The following FOXQ1 variants were observed in gnomAD, a reference collection of about 807,000 sequenced individuals.
FOXQ1 encodes forkhead box Q1, also known as forkhead box protein Q1.
Under a neutral mutation model 0.6 loss-of-function variants are expected in FOXQ1, and 1 was observed. That is an observed-to-expected ratio of 1.73 (90% CI 0.61 to 8.20). The LOEUF is 8.20. Ranked by LOEUF, FOXQ1 falls within the 30% of genes most tolerant of loss-of-function variation. The probability of loss-of-function intolerance (pLI) is 0.13; values close to 1 mark genes in which losing one functional copy is unlikely to be tolerated. For synonymous variants in FOXQ1, 377 were observed against 294.4 expected, an observed-to-expected ratio of 1.28 and a Z score of -2.87; for missense variants, 734 against 595.6, an observed-to-expected ratio of 1.23 and a Z score of -2.42.
Position 1,313,482 on chromosome 6 carries a change from C to G in FOXQ1, c.778C>G (p.Arg260Gly). Residue 260 changes from arginine (R) to glycine (G), a missense_variant, in exon 1 of 1, where the codon CGC (arginine) becomes GGC (glycine). Transcript: ENST00000296839. The surrounding 1 kb of genome is among the most constrained non-coding windows in gnomAD (Gnocchi z 5.2). ...GCGCTCGCCCGCCCGCCAGGAGGAG[C>G]GCGCCAGCCCCGCGGGCAAGTTCTC... ...RMRSPARQEE[R>G]ASPAGKFSSS... 3.5e-6 allele frequency: 4 copies of G among 1,139,782 alleles called. No homozygotes were observed. The highest frequency in any genetic ancestry group is 4.4e-6 in the Non-Finnish European group (4 of 919,004). The allele number at this position is 1,139,782 out of a possible 1,614,324, so 70.6% of individuals were successfully genotyped here.
chr6:1,313,895 G>A lies in FOXQ1; in HGVS notation c.1191G>A (p.Pro397=). ...VRRPGPHLPY[P]VETLLA ...GCCCTGGCCCGCACCTGCCGTACCC[G>A]GTGGAGACGCTCCTAGCCTGAGTAG... The change falls in exon 1 of 1, where the codon CCG becomes CCA. Residue 397 remains proline, a synonymous_variant. Coordinates refer to ENST00000296839, the MANE Select transcript of FOXQ1 (RefSeq NM_033260.4). This position sits in a 1 kb window ranked among gnomAD's most constrained non-coding sequence, Gnocchi z 5.2. 2.3e-6 allele frequency: 3 copies of A among 1,310,944 alleles called. No homozygotes were observed. The highest frequency in any genetic ancestry group is 6.2e-5 in the East Asian group (2 of 32,202). The allele number at this position is 1,310,944 out of a possible 1,614,324, so 81.2% of individuals were successfully genotyped here.
chr6:1,313,828 C>A lies in FOXQ1; in HGVS notation c.1124C>A (p.Pro375His). 7.7e-7 allele frequency: 1 copy of A among 1,296,322 alleles called. No homozygotes were observed. Among genetic ancestry groups the A allele is most frequent in the Non-Finnish European group, 9.7e-7 (1 of 1,027,908 alleles). 80.3% of individuals were successfully genotyped at this position (1,296,322 alleles called of 1,614,324 possible). ...GCCGGCGGCGCGCACCTGTACTGCC[C>A]CCTGCGGCTGCCCGCAGCCCTGCAG... ...PAAGGAHLYC[P>H]LRLPAALQAA... is the part of the protein sequence containing the mutation. The change falls in exon 1 of 1, where the codon CCC (proline) becomes CAC (histidine). Residue 375 changes from proline to histidine, a missense_variant. Pro to His is a moderately conservative substitution (Grantham distance 77). Coordinates refer to ENST00000296839, the MANE Select transcript of FOXQ1 (RefSeq NM_033260.4). The surrounding 1 kb of genome is among the most constrained non-coding windows in gnomAD (Gnocchi z 5.2).
In FOXQ1 at chr6:1,312,408, A is replaced by C; in HGVS notation, c.-297A>C. The stretch of plus-strand genomic sequence containing the variant: ...GCGTGCTCGGGCACCCGAGGGTGGA[A>C]CCGCGGCCCCTGCACACACTCACCC... On this transcript the variant is annotated 5_prime_UTR_variant, in exon 1 of 1. Coordinates refer to ENST00000296839, the MANE Select transcript of FOXQ1 (RefSeq NM_033260.4). 3.3e-5 allele frequency: 10 copies of C among 298,874 alleles called. No individual in the cohort carries two copies. Among genetic ancestry groups the C allele is most frequent in the East Asian group, 5.4e-5 (1 of 18,634 alleles). 18.5% of individuals were successfully genotyped at this position (298,874 alleles called of 1,614,324 possible).
chr6:1,312,519 C>G lies in FOXQ1; in HGVS notation c.-186C>G. On this transcript the variant is annotated 5_prime_UTR_variant, in exon 1 of 1. Transcript: ENST00000296839. ...GTCCACCCAACACTTGCAGCCCCTCCAGAGAAAAAGCCCAGCGGAAGAGGA... is the reference window on the plus strand; with the variant it reads ...GTCCACCCAACACTTGCAGCCCCTCGAGAGAAAAAGCCCAGCGGAAGAGGA... 1.0e-6 allele frequency: 1 copy of G among 968,576 alleles called. No homozygotes were observed. The highest frequency in any genetic ancestry group is 1.3e-6 in the Non-Finnish European group (1 of 746,038). The allele number at this position is 968,576 out of a possible 1,614,324, so 60.0% of individuals were successfully genotyped here. A position where few individuals can be genotyped will look rare whatever the true frequency, so the allele number is the denominator to read the frequency against.
Position 1,313,594 on chromosome 6 carries a change from G to A in FOXQ1, c.890G>A (p.Trp297Ter). The change falls in exon 1 of 1, where the codon TGG (tryptophan) becomes TAG (stop). Residue 297 changes from tryptophan to a stop codon, truncating the protein, a stop_gained. Coordinates refer to ENST00000296839, the MANE Select transcript of FOXQ1 (RefSeq NM_033260.4). LOFTEE classifies it low-confidence loss of function (END_TRUNC). This position sits in a 1 kb window ranked among gnomAD's most constrained non-coding sequence, Gnocchi z 5.2. ...RDTAPGTTLQ[W>*]GAAPCPPLPA... ...ACGGCCCCCGGGACGACGCTTCAGT[G>A]GGGCGCCGCGCCCTGCCCGCCGCTG... 1 of 1,155,540 alleles carries A rather than the reference G, an allele frequency of 8.7e-7. No individual in the cohort carries two copies. Among genetic ancestry groups the A allele is most frequent in the Non-Finnish European group, 1.1e-6 (1 of 929,730 alleles). The allele number at this position is 1,155,540 out of a possible 1,614,324, so 71.6% of individuals were successfully genotyped here.
Position 1,312,823 on chromosome 6 carries a change from T to G in FOXQ1, c.119T>G (p.Leu40Arg). ...CTGTCGGCGGCGGGAGACGACTCCC[T>G]GGGCTCAGATGGGGACTGCGCGGCC... ...SPLSAAGDDSLGSDGDCAANS... is the reference protein window; with the variant it reads ...SPLSAAGDDSRGSDGDCAANS... Residue 40 changes from leucine to arginine, a missense_variant, in exon 1 of 1, where the codon CTG becomes CGG. Leu to Arg is a moderately radical substitution (Grantham distance 102). Coordinates refer to ENST00000296839, the MANE Select transcript of FOXQ1 (RefSeq NM_033260.4). The G allele has an allele frequency of 7.7e-7, 1 of 1,304,318 alleles. No individual in the cohort carries two copies. Among genetic ancestry groups the G allele is most frequent in the South Asian group, 2.2e-5 (1 of 45,820 alleles). The allele number at this position is 1,304,318 out of a possible 1,614,324, so 80.8% of individuals were successfully genotyped here.
Position 1,313,330 on chromosome 6 carries a change from T to G in FOXQ1, c.626T>G (p.Phe209Cys), listed in dbSNP as rs74817196. 6.4e-7 allele frequency: 1 copy of G among 1,566,094 alleles called. No homozygotes were observed. Among genetic ancestry groups the G allele is most frequent in the African/African-American group, 1.4e-5 (1 of 70,714 alleles). Residue 209 changes from phenylalanine to cysteine, a missense_variant, in exon 1 of 1, where the codon TTC (phenylalanine) becomes TGC (cysteine). Coordinates refer to ENST00000296839, the MANE Select transcript of FOXQ1 (RefSeq NM_033260.4). This position sits in a 1 kb window ranked among gnomAD's most constrained non-coding sequence, Gnocchi z 5.2. ...NSEYTFADGV[F>C]RRRRKRLSHR... ...GAGTACACCTTCGCCGACGGGGTCT[T>G]CCGCCGCCGCCGCAAGCGCCTCAGC...
In FOXQ1 at chr6:1,313,751, G is replaced by C; in HGVS notation, c.1047G>C (p.Leu349=). ...TGCCACCGACCGCGCCGCCCCTCCT[G>C]CTTGCACCTCTCCCGGCGGCGGCCC... is the stretch of plus-strand genomic sequence containing the variant. ...AEVPPTAPPL[L]LAPLPAAAPA... is the part of the protein sequence containing the mutation. Residue 349 remains leucine, a synonymous_variant, in exon 1 of 1, where the codon CTG becomes CTC. Coordinates refer to ENST00000296839, the MANE Select transcript of FOXQ1 (RefSeq NM_033260.4). This position sits in a 1 kb window ranked among gnomAD's most constrained non-coding sequence, Gnocchi z 5.2. The C allele has an allele frequency of 1.6e-6, 2 of 1,212,806 alleles. No homozygotes were observed. Among genetic ancestry groups the C allele is most frequent in the East Asian group, 3.6e-5 (1 of 28,092 alleles). 75.1% of individuals were successfully genotyped at this position (1,212,806 alleles called of 1,614,324 possible). A position where few individuals can be genotyped will look rare whatever the true frequency, so the allele number is the denominator to read the frequency against.
rs1312285650 is a variant in FOXQ1 at position 1,312,195 on chromosome 6, C to T, written c.-510C>T. Among the ~76,000 whole-genome samples, 2 of 152,194 alleles carry T rather than the reference C, an allele frequency of 1.3e-5. No homozygotes were observed. The highest frequency in any genetic ancestry group is 2.1e-4 in the South Asian group (1 of 4,838). On this transcript the variant is annotated 5_prime_UTR_variant, in exon 1 of 1. Coordinates refer to ENST00000296839, the MANE Select transcript of FOXQ1 (RefSeq NM_033260.4). The stretch of plus-strand genomic sequence containing the variant: ...CAGCGGCCTCGGGGACTCGCCTCCG[C>T]GGGTGCTCAAGGCTGAAGGCGCCGG...
chr6:1,312,718 T>A lies in FOXQ1; in HGVS notation c.14T>A (p.Val5Glu). Reference protein sequence around the residue: MKLEVFVPRAAHGDK... With the variant: MKLEEFVPRAAHGDK... ...GGGTGCGCGGGCATGAAGTTGGAGG[T>A]GTTCGTCCCTCGCGCGGCCCACGGG... The change falls in exon 1 of 1, where the codon GTG becomes GAG. Residue 5 changes from valine (V) to glutamate (E), a missense_variant. Physicochemically the swap from Val to Glu is moderately radical, Grantham distance 121 (BLOSUM62 -2). Transcript: ENST00000296839. 7.4e-7 allele frequency: 1 copy of A among 1,357,068 alleles called. No individual in the cohort carries two copies. The highest frequency in any genetic ancestry group is 9.5e-7 in the Non-Finnish European group (1 of 1,057,828). 84.1% of individuals were successfully genotyped at this position (1,357,068 alleles called of 1,614,324 possible). A position where few individuals can be genotyped will look rare whatever the true frequency, so the allele number is the denominator to read the frequency against.
Position 1,312,582 on chromosome 6 carries a change from G to C in FOXQ1, c.-123G>C. ...GACTATCTCGGAAGACCAGGGTAGA[G>C]CTCCCGGGAGAAAAAGGCGAAGATC... On this transcript the variant is annotated 5_prime_UTR_variant, in exon 1 of 1. Transcript: ENST00000296839. 8.1e-7 allele frequency: 1 copy of C among 1,239,948 alleles called. No homozygotes were observed. Among genetic ancestry groups the C allele is most frequent in the Non-Finnish European group, 1.0e-6 (1 of 990,018 alleles). 76.8% of individuals were successfully genotyped at this position (1,239,948 alleles called of 1,614,324 possible).
In FOXQ1 at chr6:1,313,373, C is replaced by A; in HGVS notation, c.669C>A (p.Pro223=). ...RKRLSHRAPV[P]APGLRPEEAP... ...GCCTCAGCCACCGCGCGCCGGTCCCCGCGCCCGGGCTGCGGCCCGAGGAGG... is the reference window on the plus strand; with the variant it reads ...GCCTCAGCCACCGCGCGCCGGTCCCAGCGCCCGGGCTGCGGCCCGAGGAGG... The change falls in exon 1 of 1, where the codon CCC becomes CCA. Residue 223 remains proline (P), a synonymous_variant. Transcript: ENST00000296839. This position sits in a 1 kb window ranked among gnomAD's most constrained non-coding sequence, Gnocchi z 5.2. 6.8e-7 allele frequency: 1 copy of A among 1,470,792 alleles called. No homozygotes were observed. The allele number at this position is 1,470,792 out of a possible 1,614,324, so 91.1% of individuals were successfully genotyped here.
At position 1,312,923 on chromosome 6, in the gene FOXQ1, C is replaced by G; in HGVS notation, c.219C>G (p.Gly73=). ...AACAGAGTGCGGGAGGCGGGCCGGG[C>G]GCGGAGGAGGCGATCCCGGCAGCAG... ...DGEQSAGGGP[G]AEEAIPAAAA... is the part of the protein sequence containing the mutation. Residue 73 remains glycine, a synonymous_variant, in exon 1 of 1, where the codon GGC becomes GGG. Coordinates refer to ENST00000296839, the MANE Select transcript of FOXQ1 (RefSeq NM_033260.4). 2 of 1,271,230 alleles carry G rather than the reference C, an allele frequency of 1.6e-6. No homozygotes were observed. The highest frequency in any genetic ancestry group is 2.0e-6 in the Non-Finnish European group (2 of 1,011,004). 78.7% of individuals were successfully genotyped at this position (1,271,230 alleles called of 1,614,324 possible). A position where few individuals can be genotyped will look rare whatever the true frequency, so the allele number is the denominator to read the frequency against.
chr6:1,314,565 TG>T lies in FOXQ1; in HGVS notation c.*652del, dbSNP rs1757612600. 6.0e-6 allele frequency: 1 copy of T among 166,984 alleles called. No individual in the cohort carries two copies. The allele number at this position is 166,984 out of a possible 1,614,324, so 10.3% of individuals were successfully genotyped here. A position where few individuals can be genotyped will look rare whatever the true frequency, so the allele number is the denominator to read the frequency against. Reference sequence around the variant, plus strand: ...AGTGGTTCTCTAACTGTGGTCTCCTTGGGCCAAGCAATTTCTTTAAAGGAAA... The same window carrying T: ...AGTGGTTCTCTAACTGTGGTCTCCTTGGCCAAGCAATTTCTTTAAAGGAAA... On this transcript the variant is annotated 3_prime_UTR_variant, in exon 1 of 1. Transcript: ENST00000296839.
Position 1,313,742 on chromosome 6 carries a change from G to T in FOXQ1, c.1038G>T (p.Pro346=), listed in dbSNP as rs1189700367. Residue 346 remains proline, a synonymous_variant, in exon 1 of 1, where the codon CCG becomes CCT. Transcript: ENST00000296839. The surrounding 1 kb of genome is among the most constrained non-coding windows in gnomAD (Gnocchi z 5.2). ...AGGCCGAGGTGCCACCGACCGCGCC[G>T]CCCCTCCTGCTTGCACCTCTCCCGG... is the stretch of plus-strand genomic sequence containing the variant. ...AREAEVPPTA[P]PLLLAPLPAA... 2 of 1,178,450 alleles carry T rather than the reference G, an allele frequency of 1.7e-6. No individual in the cohort carries two copies. Among genetic ancestry groups the T allele is most frequent in the Non-Finnish European group, 2.1e-6 (2 of 955,834 alleles). The allele number at this position is 1,178,450 out of a possible 1,614,324, so 73.0% of individuals were successfully genotyped here.
rs1757589129 is a variant in FOXQ1 at position 1,313,605 on chromosome 6, C to T, written c.901C>T (p.Pro301Ser). Residue 301 changes from proline to serine, a missense_variant, in exon 1 of 1, where the codon CCC (proline) becomes TCC (serine). Pro to Ser is a moderately conservative substitution (Grantham distance 74, BLOSUM62 -1). Coordinates refer to ENST00000296839, the MANE Select transcript of FOXQ1 (RefSeq NM_033260.4). This position sits in a 1 kb window ranked among gnomAD's most constrained non-coding sequence, Gnocchi z 5.2. ...GACGACGCTTCAGTGGGGCGCCGCG[C>T]CCTGCCCGCCGCTGCCCGCGTTCCC... ...PGTTLQWGAA[P>S]CPPLPAFPAL... The T allele has an allele frequency of 4.4e-6, 5 of 1,125,906 alleles. No homozygotes were observed. Among genetic ancestry groups the T allele is most frequent in the East Asian group, 6.4e-5 (1 of 15,666 alleles). The allele number at this position is 1,125,906 out of a possible 1,614,324, so 69.7% of individuals were successfully genotyped here. A position where few individuals can be genotyped will look rare whatever the true frequency, so the allele number is the denominator to read the frequency against.
In FOXQ1 at chr6:1,312,361, G is replaced by T. The variant is rs1364766572; in HGVS notation, c.-344G>T. The stretch of plus-strand genomic sequence containing the variant: ...CAGATGCGCATGCTGCTTCTCTCCG[G>T]CAGGAAAGCCTTCTAAGCCCGGCGT... On this transcript the variant is annotated 5_prime_UTR_variant, in exon 1 of 1. Transcript: ENST00000296839. The T allele has an allele frequency of 4.3e-5, 10 of 230,714 alleles. No homozygotes were observed. The East Asian group carries it at 8.0e-4, about 18-fold the overall frequency. The allele number at this position is 230,714 out of a possible 1,614,324, so 14.3% of individuals were successfully genotyped here.
Position 1,312,884 on chromosome 6 carries a change from G to GGCGC in FOXQ1, c.180_181insGCGC (p.Gln61AlafsTer389). ...CCGCGGGCGGCGGCGCCAGAGATAC[G>GGCGC]CAGGGCGACGGCGAACAGAGTGCGG... On this transcript the variant is annotated frameshift_variant, in exon 1 of 1. Coordinates refer to ENST00000296839, the MANE Select transcript of FOXQ1 (RefSeq NM_033260.4). LOFTEE classifies it low-confidence loss of function (END_TRUNC). 1 of 1,277,666 alleles carries GGCGC rather than the reference G, an allele frequency of 7.8e-7. No homozygotes were observed. Among genetic ancestry groups the GGCGC allele is most frequent in the Middle Eastern group, 2.9e-4 (1 of 3,416 alleles). The allele number at this position is 1,277,666 out of a possible 1,614,324, so 79.1% of individuals were successfully genotyped here. A position where few individuals can be genotyped will look rare whatever the true frequency, so the allele number is the denominator to read the frequency against.
rs1028560062 is a variant in FOXQ1, at chr6:1,313,673, C to G, written c.969C>G (p.Leu323=). Residue 323 remains leucine (L), a synonymous_variant, in exon 1 of 1, where the codon CTC becomes CTG. Coordinates refer to ENST00000296839, the MANE Select transcript of FOXQ1 (RefSeq NM_033260.4). This position sits in a 1 kb window ranked among gnomAD's most constrained non-coding sequence, Gnocchi z 5.2. ...PAAPCRALLP[L]CAYGAGEPAR... ...CGCCCTGCAGGGCCCTGCTGCCGCT[C>G]TGCGCGTACGGCGCGGGCGAGCCGG... The G allele has an allele frequency of 9.7e-7, 1 of 1,035,966 alleles. No homozygotes were observed. Among genetic ancestry groups the G allele is most frequent in the African/African-American group, 1.7e-5 (1 of 57,724 alleles). 64.2% of individuals were successfully genotyped at this position (1,035,966 alleles called of 1,614,324 possible). A position where few individuals can be genotyped will look rare whatever the true frequency, so the allele number is the denominator to read the frequency against.
Sources: gnomAD v4.1 joint callset for allele counts (sites outside exome capture counted in the v4.1 genomes callset) on GRCh38, gnomAD v4.1.1 for gene constraint, Gnocchi (gnomAD v3.1) non-coding constraint, MANE v1.5 for transcripts, NCBI Gene and HGNC (gene_info 2026-07-23, HGNC 2026-07-21) for gene names.